The following BABAM2 variants were observed in gnomAD, a reference collection of about 807,000 sequenced individuals.
BABAM2 encodes the protein BRISC and BRCA1-A complex member 2.
A neutral mutation model predicts 54.7 loss-of-function variants in BABAM2; 31 were observed. The ratio of observed to expected loss-of-function variants is 0.57; its 90% confidence interval spans 0.43 to 0.77. The LOEUF (loss-of-function observed/expected upper bound fraction) is 0.77, where lower values mean the gene tolerates loss of function less well. BABAM2 is among the 30% of genes least tolerant of loss of function. BABAM2 has a pLI of 0.00. For synonymous variants in BABAM2, 167 were observed against 162.9 expected, an observed-to-expected ratio of 1.03 and a Z score of -0.19; for missense variants, 364 against 455.8, an observed-to-expected ratio of 0.80 and a Z score of 1.83.
intron 4 of BABAM2, among the ~76,000 whole-genome samples, chr2:28,020,739 T>A (rs2148553346): frequency 6.6e-6 from 1 of 152,288 alleles, no homozygotes; most frequent in South Asian, 2.1e-4. Context: ...TGCAGATTAT[T>A]TATTTGAATT....
At chr2:28,030,474 T>C (rs1448353229) in intron 5 of BABAM2, among the ~76,000 whole-genome samples, 1 of 152,022 alleles carries the variant, frequency 6.6e-6, no homozygotes, top group Non-Finnish European at 1.5e-5. Context: ...CTAGTAGAAA[T>C]GGTAGCTGAG....
chr2:27,891,013 C>T lies in BABAM2; in HGVS notation c.-25+171C>T, dbSNP rs540187079. The T allele has an allele frequency of 4.9e-3, 749 of 152,606 alleles. 3 individuals carry two copies. Among genetic ancestry groups the T allele is most frequent in the Non-Finnish European group, 6.6e-3 (447 of 68,078 alleles). 9.5% of individuals were successfully genotyped at this position (152,606 alleles called of 1,614,324 possible). A position where few individuals can be genotyped will look rare whatever the true frequency, so the allele number is the denominator to read the frequency against. ...TCACGCTGATTCCCTCAAGAACGAG[C>T]CCCCAAGGCCAGAGGCGTCTCTTTC... On this transcript the variant is annotated intron_variant, in intron 1 of 11. Coordinates refer to ENST00000379624, the MANE Select transcript of BABAM2 (RefSeq NM_199191.3).
intron 3 of BABAM2, among the ~76,000 whole-genome samples, chr2:27,946,505 TA>T (rs1223494779): frequency 6.6e-6 from 1 of 152,204 alleles, no homozygotes; most frequent in Non-Finnish European, 1.5e-5. Flanking sequence ...GCTGTGTTTA[TA>T]AAATAAGTTG....
chr2:27,957,494 C>T (rs1442403520), intron 3 of BABAM2, among the ~76,000 whole-genome samples: 1 of 152,176 alleles, frequency 6.6e-6, no homozygotes, highest in African/African-American at 2.4e-5. Flanking sequence ...AATTTGCTTT[C>T]TACCCTCTAA....
chr2:27,973,740 G>A lies in BABAM2; in HGVS notation c.206-14253G>A, dbSNP rs868620408. On this transcript the variant is annotated intron_variant, in intron 3 of 11. Transcript: ENST00000379624. The stretch of plus-strand genomic sequence containing the variant: ...ATCCTTGAGCTTCACACATGGAACC[G>A]GACAGAATCAGTATAGCAAAGTCTT... 6.6e-5 allele frequency among the ~76,000 whole-genome samples: 10 copies of A among 152,186 alleles called. No individual in the cohort carries two copies. In the Middle Eastern group the frequency reaches 0.01, roughly 155 times the overall value.
At chr2:28,057,437 A>G (rs2148632562) in intron 6 of BABAM2, among the ~76,000 whole-genome samples, 1 of 152,276 alleles carries the variant, frequency 6.6e-6, no homozygotes, top group East Asian at 1.9e-4. Context: ...TGGGGATTGG[A>G]ACCATATAGC....
In BABAM2 at chr2:28,092,191, C is replaced by T. The variant is rs1287393498; in HGVS notation, c.571-37080C>T. On this transcript the variant is annotated intron_variant, in intron 6 of 11. Coordinates refer to ENST00000379624, the MANE Select transcript of BABAM2 (RefSeq NM_199191.3). ...AAGGCAAGGATGTACACTCTTATGA[C>T]TTTTCTATTCAACTTTGTAATCAAT... 4.6e-5 allele frequency among the ~76,000 whole-genome samples: 7 copies of T among 152,132 alleles called. No homozygotes were observed. In the East Asian group the frequency reaches 1.4e-3, roughly 29 times the overall value.
At chr2:28,331,843 T>C (rs1690984014) in intron 11 of BABAM2, among the ~76,000 whole-genome samples, 1 of 152,176 alleles carries the variant, frequency 6.6e-6, no homozygotes, top group Non-Finnish European at 1.5e-5. Context: ...ATATAAATCA[T>C]TCTGTTATAA....
chr2:27,959,186 C>T (rs1408090176), intron 3 of BABAM2, among the ~76,000 whole-genome samples: 1 of 152,186 alleles, frequency 6.6e-6, no homozygotes, highest in Admixed American at 6.5e-5. Context: ...TGGTCACCAA[C>T]CACATGCGAG....
Position 28,249,586 on chromosome 2 carries a change from A to G in BABAM2, c.934+4724A>G, listed in dbSNP as rs1290479118. Among the ~76,000 whole-genome samples the G allele has an allele frequency of 2.0e-5, 3 of 152,282 alleles. No individual in the cohort carries two copies. The East Asian group carries it at 5.8e-4, about 29-fold the overall frequency. ...AATGGTATGCATTTTTAAAACAAAT[A>G]TTTTATGACTTGTCTACTTTATGCA... On this transcript the variant is annotated intron_variant, in intron 10 of 11. Transcript: ENST00000379624.
At chr2:27,997,254 G>C (rs1313465159) in intron 4 of BABAM2, among the ~76,000 whole-genome samples, 1 of 152,084 alleles carries the variant, frequency 6.6e-6, no homozygotes, top group African/African-American at 2.4e-5. Context: ...TGGCATCTCT[G>C]GTTCTCTTGA....
intron 11 of BABAM2, among the ~76,000 whole-genome samples, chr2:28,313,889 T>C (rs1447912327): frequency 6.6e-6 from 1 of 152,190 alleles, no homozygotes; most frequent in Non-Finnish European, 1.5e-5. Flanking sequence ...GTCCACGGCA[T>C]TAACTACTCA....
chr2:28,007,125 GC>G (rs1472233124), intron 4 of BABAM2, among the ~76,000 whole-genome samples: 1 of 151,732 alleles, frequency 6.6e-6, no homozygotes, highest in Admixed American at 6.6e-5. Flanking sequence ...TAGCTGTATA[GC>G]AGAGTTGATT....
At chr2:28,150,919 C>T (rs997791229) in intron 7 of BABAM2, among the ~76,000 whole-genome samples, 5 of 152,162 alleles carry the variant, frequency 3.3e-5, no homozygotes, top group African/African-American at 9.7e-5. Flanking sequence ...AAAAGCTTCT[C>T]GCTACTCAAT....
chr2:28,323,682 C>T (rs1004111251), intron 11 of BABAM2, among the ~76,000 whole-genome samples: 5 of 152,148 alleles, frequency 3.3e-5, no homozygotes, highest in African/African-American at 9.7e-5. Flanking sequence ...ATGTTACCTC[C>T]CCTGTGACAG....
intron 11 of BABAM2, among the ~76,000 whole-genome samples, chr2:28,324,627 C>CAAA (rs142164893): frequency 2.3e-5 from 3 of 132,316 alleles, no homozygotes; most frequent in Admixed American, 7.7e-5. Context: ...CCCATCTCTA[C>CAAA]AAAAAAAAAA....
At chr2:28,243,713 AAAAT>A (rs1389504328) in intron 9 of BABAM2, among the ~76,000 whole-genome samples, 1 of 152,164 alleles carries the variant, frequency 6.6e-6, no homozygotes, top group Non-Finnish European at 1.5e-5. Flanking sequence ...TCTCAAAAAA[AAAAT>A]AAATAAATTC....
At chr2:28,181,956 G>A (rs974040305) in intron 7 of BABAM2, among the ~76,000 whole-genome samples, 1 of 152,054 alleles carries the variant, frequency 6.6e-6, no homozygotes, top group African/African-American at 2.4e-5. Context: ...GAGGATTTCT[G>A]GGGGCAGAGT....
chr2:27,944,979 G>A lies in BABAM2; in HGVS notation c.205+15071G>A, dbSNP rs534193864. On this transcript the variant is annotated intron_variant, in intron 3 of 11. Coordinates refer to ENST00000379624, the MANE Select transcript of BABAM2 (RefSeq NM_199191.3). ...TTTTTTTCTTGCCAACATTAGTATTGTTGATCCATTTTGAGCTACCTTTTT... is the reference window on the plus strand; with the variant it reads ...TTTTTTTCTTGCCAACATTAGTATTATTGATCCATTTTGAGCTACCTTTTT... Among the ~76,000 whole-genome samples the A allele has an allele frequency of 8.7e-5, 13 of 149,578 alleles. No individual in the cohort carries two copies. The South Asian group carries it at 2.5e-3, about 29-fold the overall frequency.
Sources: gnomAD v4.1 joint callset for allele counts (sites outside exome capture counted in the v4.1 genomes callset) on GRCh38, gnomAD v4.1.1 for gene constraint, MANE v1.5 for transcripts, NCBI Gene and HGNC (gene_info 2026-07-23, HGNC 2026-07-21) for gene names.